Variants in TAB2 observed in about 807,000 individuals in gnomAD.
TAB2 encodes the protein TGF-beta-activated kinase 1 and MAP3K7-binding protein 2.
Under a neutral mutation model 65.0 loss-of-function variants are expected in TAB2, and 3 were observed. The ratio of observed to expected loss-of-function variants is 0.05; its 90% CI spans 0.02 to 0.12. TAB2 has a LOEUF of 0.12. TAB2 is among the 10% of genes least tolerant of loss of function. The probability of loss-of-function intolerance (pLI) is 1.00; values close to 1 mark genes in which losing one functional copy is unlikely to be tolerated. For synonymous variants in TAB2, 298 were observed against 285.1 expected (o/e 1.05, Z -0.46); for missense variants, 623 against 840.3 (o/e 0.74, Z 3.20).
At chr6:149,381,949 CT>C (rs1781625348) in intron 3 of TAB2, among the ~76,000 whole-genome samples, 1 of 152,140 alleles carries the variant, frequency 6.6e-6, no homozygotes, top group African/African-American at 2.4e-5. Flanking sequence ...TTGCAGTGAC[CT>C]ACCCATTCTC....
intron 1 of TAB2, among the ~76,000 whole-genome samples, chr6:149,254,055 GAGGGAGGA>G (rs1455746535): frequency 3.2e-5 from 4 of 123,942 alleles, no homozygotes; most frequent in Admixed American, 8.2e-5. Flanking sequence ...AAGAGGGAGA[GAGGGAGGA>G]AGGAAGGAAG....
intron 1 of TAB2, among the ~76,000 whole-genome samples, chr6:149,275,247 A>AGAAT (rs1778442430): frequency 8.5e-6 from 1 of 117,018 alleles, no homozygotes; most frequent in African/African-American, 3.2e-5. Context: ...AAAGAAAGAA[A>AGAAT]GAAAGAAAGA....
intron 1 of TAB2, among the ~76,000 whole-genome samples, chr6:149,253,490 G>A (rs1189419049): frequency 6.6e-6 from 1 of 151,910 alleles, no homozygotes; most frequent in Non-Finnish European, 1.5e-5. Flanking sequence ...AATTAGCCGG[G>A]CGTGGTGGCA....
At chr6:149,367,361 A>G (rs1268474451) in intron 1 of TAB2, among the ~76,000 whole-genome samples, 1 of 152,032 alleles carries the variant, frequency 6.6e-6, no homozygotes, top group Non-Finnish European at 1.5e-5. Flanking sequence ...CTAAGGGAAA[A>G]CTGTTCCAGT....
intron 1 of TAB2, among the ~76,000 whole-genome samples, chr6:149,229,707 G>A (rs1341556979): frequency 1.3e-5 from 2 of 152,048 alleles, no homozygotes; most frequent in African/African-American, 4.8e-5. Flanking sequence ...ACTCTCTCCT[G>A]TACTCTCTCT....
intron 1 of TAB2, among the ~76,000 whole-genome samples, chr6:149,284,139 G>C (rs1247113116): frequency 6.6e-6 from 1 of 152,016 alleles, no homozygotes; most frequent in Non-Finnish European, 1.5e-5. Context: ...TTAGACACAG[G>C]GTTTAAAAGT....
intron 1 of TAB2, among the ~76,000 whole-genome samples, chr6:149,339,585 T>A (rs1222787931): frequency 4.1e-5 from 1 of 24,208 alleles, no homozygotes; most frequent in Admixed American, 5.1e-4. Context: ...AATTAATCTT[T>A]TTTATTTATT....
intron 1 of TAB2, among the ~76,000 whole-genome samples, chr6:149,303,239 C>A (rs1225575306): frequency 6.6e-6 from 1 of 152,168 alleles, no homozygotes; most frequent in African/African-American, 2.4e-5. Flanking sequence ...AAATGTAATG[C>A]TCTTGTGGCC....
Position 149,312,004 on chromosome 6 carries a change from A to G in TAB2, c.-120-66014A>G, listed in dbSNP as rs535122467. Reference sequence around the variant, plus strand: ...TCTGATTTTTATGAAAGAGACTACAATATGTCATGAAAGGAAGGGAGAGAT... The same window carrying G: ...TCTGATTTTTATGAAAGAGACTACAGTATGTCATGAAAGGAAGGGAGAGAT... On this transcript the variant is annotated intron_variant, in intron 1 of 1. Coordinates refer to the TAB2 transcript ENST00000606202. Among the ~76,000 whole-genome samples, 7 of 152,348 alleles carry G rather than the reference A, an allele frequency of 4.6e-5. No homozygotes were observed. The South Asian group carries it at 1.2e-3, about 27-fold the overall frequency.
intron 1 of TAB2, among the ~76,000 whole-genome samples, chr6:149,323,682 A>G (rs1201142408): frequency 1.3e-5 from 2 of 152,178 alleles, no homozygotes; most frequent in Admixed American, 6.5e-5. Flanking sequence ...CTAAAGAATA[A>G]TAATTTTAGC....
intron 3 of TAB2, chr6:149,379,875 T>C (rs1011390241): frequency 2.2e-6 from 1 of 452,930 alleles, no homozygotes; most frequent in African/African-American, 2.0e-5. Flanking sequence ...AAATAACGTT[T>C]TAATAAGCAA....
At chr6:149,313,403 T>C (rs1779198326), upstream of TAB2, among the ~76,000 whole-genome samples, 1 of 152,204 alleles carries the variant, frequency 6.6e-6, no homozygotes, top group South Asian at 2.1e-4. Flanking sequence ...TTTGCCTAGC[T>C]TGCTGACCGT....
intron 1 of TAB2, among the ~76,000 whole-genome samples, chr6:149,311,878 G>A (rs1006895123): frequency 4.6e-5 from 7 of 152,248 alleles, no homozygotes; most frequent in Admixed American, 3.9e-4. Flanking sequence ...ATCCAAAGGT[G>A]AAGAAGAACC....
chr6:149,325,383 G>A (rs547387384), intron 1 of TAB2, among the ~76,000 whole-genome samples: 2 of 152,180 alleles, frequency 1.3e-5, no homozygotes, highest in Admixed American at 1.3e-4. Flanking sequence ...TTTCTTCAAG[G>A]TATCTGTCCA....
intron 1 of TAB2, among the ~76,000 whole-genome samples, chr6:149,310,967 T>C (rs888799210): frequency 3.3e-5 from 5 of 152,318 alleles, no homozygotes; most frequent in Middle Eastern, 6.8e-3. Context: ...ACAAGTGTGT[T>C]TGCGTTCCCC....
At chr6:149,223,096 T>A (rs1005692248) in intron 1 of TAB2, among the ~76,000 whole-genome samples, 2 of 152,206 alleles carry the variant, frequency 1.3e-5, no homozygotes, top group Non-Finnish European at 2.9e-5. Context: ...GCATGCCACA[T>A]GAAATATTGA....
At chr6:149,295,898 A>T (rs373448378) in intron 1 of TAB2, among the ~76,000 whole-genome samples, 1 of 152,102 alleles carries the variant, frequency 6.6e-6, no homozygotes, top group African/African-American at 2.4e-5. Flanking sequence ...CAGCCTCCCG[A>T]GCAGCTGGGA....
In TAB2 at chr6:149,334,072, T is replaced by G. The variant is rs536839497; in HGVS notation, c.-90+16057T>G. On this transcript the variant is annotated intron_variant, in intron 1 of 6. Transcript: ENST00000637181. ...TAAATGTAAGCTATTAATAGAAAAT[T>G]TATTGCTATAAAATTATAAAAATAA... is the stretch of plus-strand genomic sequence containing the variant. 6.7e-4 allele frequency among the ~76,000 whole-genome samples: 102 copies of G among 152,296 alleles called. 3 individuals carry two copies. In the South Asian group the frequency reaches 0.021, roughly 31 times the overall value.
At chr6:149,370,858 G>T (rs1438770631) in intron 2 of TAB2, among the ~76,000 whole-genome samples, 1 of 151,892 alleles carries the variant, frequency 6.6e-6, no homozygotes, top group Non-Finnish European at 1.5e-5. Flanking sequence ...TTAAGGCCAG[G>T]AGTTCAAGAG....
Sources: gnomAD v4.1 joint callset for allele counts (sites outside exome capture counted in the v4.1 genomes callset) on GRCh38, gnomAD v4.1.1 for gene constraint, MANE v1.5 for transcripts, NCBI Gene and HGNC (gene_info 2026-07-23, HGNC 2026-07-21) for gene names.